SRRM3: variants seen among roughly 807,000 people sequenced by gnomAD.
SRRM3 encodes serine/arginine repetitive matrix protein 3.
Under a neutral mutation model 66.2 loss-of-function variants are expected in SRRM3, and 27 were observed. The ratio of observed to expected loss-of-function variants is 0.41; its 90% CI spans 0.30 to 0.56. The LOEUF is 0.56. Among genes scored for constraint, SRRM3 ranks in the 20% least tolerant of loss-of-function variants. The probability of loss-of-function intolerance (pLI) is 0.32; values close to 1 mark genes in which losing one functional copy is unlikely to be tolerated. For missense variants in SRRM3, 918 were observed against 991.9 expected, an observed-to-expected ratio of 0.93 and a Z score of 1.00; for synonymous variants, 391 against 414.9, an observed-to-expected ratio of 0.94 and a Z score of 0.70.
chr7:76,271,676 C>T (rs1394369335), intron 11 of SRRM3, among the ~76,000 whole-genome samples: 1 of 152,078 alleles, frequency 6.6e-6, no homozygotes, highest in Non-Finnish European at 1.5e-5. Flanking sequence ...AAAATAGACT[C>T]CAGCCCTCTG....
Position 76,265,921 on chromosome 7 carries a change from T to C in SRRM3, c.830+453T>C, listed in dbSNP as rs1281785896. On this transcript the variant is annotated intron_variant, in intron 10 of 14. Coordinates refer to ENST00000611745, the MANE Select transcript of SRRM3 (RefSeq NM_001110199.3). ...TCTCGCTCTGTCGCCCAGGCTGGAG[T>C]GCAGTGGCGGGATCTCGGCTCACTG... Among the ~76,000 whole-genome samples, 2 of 54,380 alleles carry C rather than the reference T, an allele frequency of 3.7e-5. 1 individual carries two copies. The highest frequency in any genetic ancestry group is 5.1e-5 in the Non-Finnish European group (2 of 38,946). The allele number at this position is 54,380 out of a possible 152,430, so 35.7% of individuals were successfully genotyped here. A position where few individuals can be genotyped will look rare whatever the true frequency, so the allele number is the denominator to read the frequency against.
At chr7:76,240,437 G>A (rs184824913) in intron 2 of SRRM3, among the ~76,000 whole-genome samples, 6 of 151,946 alleles carry the variant, frequency 3.9e-5, no homozygotes, top group South Asian at 4.2e-4. Context: ...TGGCTAACAC[G>A]GTGAAACCCC....
chr7:76,261,823 A>G (rs1801880249), intron 8 of SRRM3, among the ~76,000 whole-genome samples: 1 of 151,984 alleles, frequency 6.6e-6, no homozygotes, highest in Non-Finnish European at 1.5e-5. Flanking sequence ...ATTTCTAGAC[A>G]ACATGGCAGG....
intron 2 of SRRM3, among the ~76,000 whole-genome samples, chr7:76,244,296 G>T (rs1221949534): frequency 2.6e-5 from 4 of 152,076 alleles, no homozygotes; most frequent in African/African-American, 9.7e-5. Flanking sequence ...AGGCCGAGGT[G>T]GGTGGATCAT....
intron 8 of SRRM3, among the ~76,000 whole-genome samples, chr7:76,261,881 A>C (rs1554608830): frequency 1.3e-5 from 2 of 151,820 alleles, no homozygotes; most frequent in Non-Finnish European, 2.9e-5. Context: ...CAGTTAGACA[A>C]GCAGAAACAC....
chr7:76,256,393 G>A (rs1480863806), intron 3 of SRRM3, among the ~76,000 whole-genome samples: 3 of 151,924 alleles, frequency 2.0e-5, no homozygotes, highest in African/African-American at 7.3e-5. Flanking sequence ...TATAATCCCA[G>A]CTACTTGGGA....
At chr7:76,264,899 G>A (rs1197353540) in intron 9 of SRRM3, 84 bp downstream of exon 9, 10 of 1,418,082 alleles carry the variant, frequency 7.1e-6, no homozygotes, top group Non-Finnish European at 8.8e-6. Flanking sequence ...CACAGAATCA[G>A]GCCATTAAAG....
At chr7:76,284,718 G>A (rs1200738626) in intron 14 of SRRM3, among the ~76,000 whole-genome samples, 1 of 152,138 alleles carries the variant, frequency 6.6e-6, no homozygotes, top group Non-Finnish European at 1.5e-5. Context: ...CTCCACTAAC[G>A]TACACCTGTT....
chr7:76,247,403 G>A (rs1037220363), intron 2 of SRRM3, among the ~76,000 whole-genome samples: 6 of 151,940 alleles, frequency 3.9e-5, no homozygotes, highest in Admixed American at 2.6e-4. Context: ...GTGCTTTGAC[G>A]ACCTCCCATG....
chr7:76,276,645 G>A (rs1233240325), intron 11 of SRRM3, among the ~76,000 whole-genome samples: 1 of 152,162 alleles, frequency 6.6e-6, no homozygotes, highest in Non-Finnish European at 1.5e-5. Flanking sequence ...AGGTCTCTGA[G>A]CATCCTATGA....
intron 1 of SRRM3, among the ~76,000 whole-genome samples, chr7:76,219,823 T>C (rs147320264): frequency 0.1 from 15,205 of 152,090 alleles, 815 homozygotes; most frequent in South Asian, 0.15. Context: ...GGCATGAGAA[T>C]GGCTGGAACC....
intron 1 of SRRM3, among the ~76,000 whole-genome samples, chr7:76,221,943 C>T (rs1800733399): frequency 6.6e-6 from 1 of 152,206 alleles, no homozygotes; most frequent in African/African-American, 2.4e-5. Flanking sequence ...TCCTTTACTC[C>T]TTACCCTGAG....
chr7:76,231,516 G>A (rs1801014814), intron 1 of SRRM3, among the ~76,000 whole-genome samples: 1 of 152,240 alleles, frequency 6.6e-6, no homozygotes, highest in Admixed American at 6.5e-5. Context: ...CCTTGCCCAG[G>A]TCAGAGGGAA....
At chr7:76,275,213 T>C (rs1321222774) in intron 11 of SRRM3, among the ~76,000 whole-genome samples, 2 of 151,802 alleles carry the variant, frequency 1.3e-5, no homozygotes, top group Non-Finnish European at 2.9e-5. Flanking sequence ...CAGCCACTCA[T>C]CCCTACCCCA....
chr7:76,205,312 T>A (rs1027063211), intron 1 of SRRM3, among the ~76,000 whole-genome samples: 1 of 152,078 alleles, frequency 6.6e-6, no homozygotes, highest in African/African-American at 2.4e-5. Flanking sequence ...TGGGTTCAAA[T>A]GATTCTCCTG....
chr7:76,280,324 C>G (rs1583943517), intron 11 of SRRM3, among the ~76,000 whole-genome samples: 1 of 152,002 alleles, frequency 6.6e-6, no homozygotes, highest in Non-Finnish European at 1.5e-5. Flanking sequence ...TGTTTTTCCT[C>G]CCTTTCTTCG....
chr7:76,205,881 G>A (rs1800289473), intron 1 of SRRM3, among the ~76,000 whole-genome samples: 1 of 152,232 alleles, frequency 6.6e-6, no homozygotes, highest in Admixed American at 6.5e-5. Context: ...TTGAAACACT[G>A]GAGGTGACTT....
At chr7:76,243,706 C>G (rs1207273736) in intron 2 of SRRM3, among the ~76,000 whole-genome samples, 2 of 152,218 alleles carry the variant, frequency 1.3e-5, no homozygotes, top group Admixed American at 6.5e-5. Flanking sequence ...CCACCCTCAC[C>G]CTTAGGCCAT....
intron 11 of SRRM3, chr7:76,268,865 C>T (rs1802137835): frequency 6.6e-6 from 1 of 152,382 alleles, no homozygotes; most frequent in African/African-American, 2.4e-5. Context: ...TAACAACCCA[C>T]AAGAGGGGCA....
Sources: gnomAD v4.1 joint callset for allele counts (sites outside exome capture counted in the v4.1 genomes callset) on GRCh38, gnomAD v4.1.1 for gene constraint, MANE v1.5 for transcripts, NCBI Gene and HGNC (gene_info 2026-07-23, HGNC 2026-07-21) for gene names.